LRP1B: variants seen among roughly 807,000 people sequenced by gnomAD.
LRP1B encodes the protein low-density lipoprotein receptor-related protein 1B.
A neutral mutation model predicts 556.6 loss-of-function variants in LRP1B; 217 were observed. The observed-to-expected ratio is 0.39, with a 90% CI of 0.35 to 0.44. The LOEUF (loss-of-function observed/expected upper bound fraction) is 0.44. Among genes scored for constraint, LRP1B ranks in the 20% least tolerant of loss-of-function variants. LRP1B has a pLI of 1.00. For missense variants in LRP1B, 5,053 were observed against 5,620.8 expected, an observed-to-expected ratio of 0.90 and a Z score of 3.23; for synonymous variants, 2,047 against 1,865.8, an observed-to-expected ratio of 1.10 and a Z score of -2.50.
chr2:140,492,590 A>G lies in LRP1B; in HGVS notation c.9120+18T>C. ...TGCACATGTTAAATGTTACGGTGTCATCTTGGGAGTGTCATACCTGTTTTA... is the reference window on the plus strand; with the variant it reads ...TGCACATGTTAAATGTTACGGTGTCGTCTTGGGAGTGTCATACCTGTTTTA... On this transcript the variant is annotated intron_variant, in intron 57 of 90. Transcript: ENST00000389484. The G allele has an allele frequency of 6.3e-7, 1 of 1,580,550 alleles. No individual in the cohort carries two copies. The highest frequency in any genetic ancestry group is 8.7e-7 in the Non-Finnish European group (1 of 1,149,766).
At chr2:140,711,379 T>C (rs1284294212) in intron 37 of LRP1B, among the ~76,000 whole-genome samples, 1 of 151,994 alleles carries the variant, frequency 6.6e-6, no homozygotes, top group Non-Finnish European at 1.5e-5. Flanking sequence ...TAGAGCTGTG[T>C]TGGTCACTCA....
intron 60 of LRP1B, among the ~76,000 whole-genome samples, chr2:140,470,620 G>A (rs1687724510): frequency 7.2e-6 from 1 of 139,500 alleles, no homozygotes; most frequent in East Asian, 2.2e-4. Flanking sequence ...AGTCTGGCCT[G>A]GGTGAAAGAG....
chr2:140,914,406 G>T (rs1030682961), intron 21 of LRP1B, among the ~76,000 whole-genome samples: 12 of 152,126 alleles, frequency 7.9e-5, no homozygotes, highest in African/African-American at 1.7e-4. Flanking sequence ...TGAGCATACA[G>T]GGGATTACAT....
chr2:140,559,784 A>G (rs1343735314), intron 43 of LRP1B, among the ~76,000 whole-genome samples: 3 of 152,070 alleles, frequency 2.0e-5, no homozygotes, highest in Non-Finnish European at 4.4e-5. Flanking sequence ...AAGTTAACAA[A>G]TAAACAAGGG....
chr2:140,680,689 C>A (rs1417926006), intron 41 of LRP1B, among the ~76,000 whole-genome samples: 1 of 152,008 alleles, frequency 6.6e-6, no homozygotes, highest in Non-Finnish European at 1.5e-5. Flanking sequence ...CTCACTATTC[C>A]CAAAGCCCAT....
At chr2:140,602,831 A>AT (rs1682725926) in intron 41 of LRP1B, among the ~76,000 whole-genome samples, 1 of 152,024 alleles carries the variant, frequency 6.6e-6, no homozygotes, top group South Asian at 2.1e-4. Context: ...GCTAGAAATG[A>AT]TAAAAACTGC....
At chr2:142,101,133 A>C (rs1280292646) in intron 1 of LRP1B, among the ~76,000 whole-genome samples, 2 of 152,000 alleles carry the variant, frequency 1.3e-5, no homozygotes, top group Non-Finnish European at 1.5e-5. Flanking sequence ...TTTGTACATA[A>C]AGGAATAAAG....
chr2:142,014,948 T>C (rs115796270), intron 1 of LRP1B, among the ~76,000 whole-genome samples: 4,069 of 152,220 alleles, frequency 0.027, 72 homozygotes, highest in Non-Finnish European at 0.04. Context: ...AACATAAAAA[T>C]TGAAAACTAA....
At chr2:141,328,196 G>A (rs1687500066) in intron 3 of LRP1B, among the ~76,000 whole-genome samples, 1 of 152,024 alleles carries the variant, frequency 6.6e-6, no homozygotes, top group African/African-American at 2.4e-5. Flanking sequence ...CACATACATA[G>A]ACAGCCAGTT....
chr2:141,285,939 C>T (rs529437445), intron 3 of LRP1B, among the ~76,000 whole-genome samples: 7 of 147,564 alleles, frequency 4.7e-5, no homozygotes, highest in Admixed American at 2.0e-4. Flanking sequence ...TAGTGGCGGG[C>T]GCCTGTAGTC....
chr2:140,868,131 G>A lies in LRP1B; in HGVS notation c.4302C>T (p.His1434=), dbSNP rs1693010823. 1 of 1,607,226 alleles carries A rather than the reference G, an allele frequency of 6.2e-7. No individual in the cohort carries two copies. Among genetic ancestry groups the A allele is most frequent in the Non-Finnish European group, 8.5e-7 (1 of 1,177,354 alleles). ...CTGTCCACACTATCCTTTTCTCAAAGTGGTCCACAGTTAGTCCATTAGGCC... is the reference window on the plus strand; with the variant it reads ...CTGTCCACACTATCCTTTTCTCAAAATGGTCCACAGTTAGTCCATTAGGCC... ...GAWPNGLTVD[H]FEKRIVWTDA... Residue 1434 remains histidine (H), a synonymous_variant, in exon 26 of 91, where the codon CAC becomes CAT. Coordinates refer to ENST00000389484, the MANE Select transcript of LRP1B (RefSeq NM_018557.3).
At chr2:141,956,279 AT>A (rs1040424310) in intron 1 of LRP1B, among the ~76,000 whole-genome samples, 1 of 152,032 alleles carries the variant, frequency 6.6e-6, no homozygotes, top group African/African-American at 2.4e-5. Context: ...AGATTTTTAA[AT>A]TTTTGCAAAA....
chr2:141,266,889 TTAGG>T (rs1422620319), intron 3 of LRP1B, among the ~76,000 whole-genome samples: 1 of 152,182 alleles, frequency 6.6e-6, no homozygotes, highest in African/African-American at 2.4e-5. Flanking sequence ...TGTATAATCT[TTAGG>T]TATAAGTTAT....
rs151002398 is a variant in LRP1B at position 141,321,921 on chromosome 2, C to T, written c.344-67280G>A. On this transcript the variant is annotated intron_variant, in intron 3 of 90. Coordinates refer to ENST00000389484, the MANE Select transcript of LRP1B (RefSeq NM_018557.3). ...GAAAAGTTAAGTGACTTGTTCAAAG[C>T]CAAGCAACCGGCCCAATAGTATGCA... Among the ~76,000 whole-genome samples the T allele has an allele frequency of 1.2e-4, 18 of 152,150 alleles. No homozygotes were observed. The East Asian group carries it at 3.5e-3, about 29-fold the overall frequency.
chr2:141,913,618 C>T (rs978033814), intron 1 of LRP1B, among the ~76,000 whole-genome samples: 5 of 152,102 alleles, frequency 3.3e-5, no homozygotes, highest in African/African-American at 9.7e-5. Flanking sequence ...GAATACCCCA[C>T]TTGGAAAGAG....
intron 47 of LRP1B, among the ~76,000 whole-genome samples, chr2:140,532,750 T>C (rs13429216): frequency 0.051 from 7,719 of 151,924 alleles, 279 homozygotes; most frequent in South Asian, 0.079. Context: ...ATCAAATTAC[T>C]TTCAGTTTCA....
intron 5 of LRP1B, among the ~76,000 whole-genome samples, chr2:141,243,978 G>C (rs1683978204): frequency 6.6e-6 from 1 of 152,158 alleles, no homozygotes; most frequent in African/African-American, 2.4e-5. Flanking sequence ...TATTACAAAG[G>C]AGGAATAATC....
chr2:142,130,699 G>A lies in LRP1B; in HGVS notation c.31C>T (p.Leu11Phe). 6.2e-7 allele frequency: 1 copy of A among 1,613,614 alleles called. No individual in the cohort carries two copies. The highest frequency in any genetic ancestry group is 8.5e-7 in the Non-Finnish European group (1 of 1,179,778). Residue 11 changes from leucine to phenylalanine, a missense_variant, in exon 1 of 91, where the codon CTC (leucine) becomes TTC (phenylalanine). By Grantham distance (22) the Leu-to-Phe change is conservative. Coordinates refer to ENST00000389484, the MANE Select transcript of LRP1B (RefSeq NM_018557.3). Reference sequence around the variant, plus strand: ...CTGGCAATCGGCAATAATCCCGAGAGAGTGAGTAAGGCGAGGAGAAACTCG... The same window carrying A: ...CTGGCAATCGGCAATAATCCCGAGAAAGTGAGTAAGGCGAGGAGAAACTCG... MSEFLLALLT[L>F]SGLLPIARVL...
chr2:141,321,451 G>C (rs976316117), intron 3 of LRP1B, among the ~76,000 whole-genome samples: 1 of 151,978 alleles, frequency 6.6e-6, no homozygotes, highest in African/African-American at 2.4e-5. Context: ...GCTCTGTTTA[G>C]GTTGTCTCAA....
Sources: allele counts gnomAD v4.1 joint callset (sites outside exome capture counted in the v4.1 genomes callset), GRCh38; gene constraint gnomAD v4.1.1; transcripts MANE v1.5; gene names NCBI Gene and HGNC (gene_info 2026-07-23, HGNC 2026-07-21).